Variants in KAZN observed in about 807,000 individuals in gnomAD.
KAZN encodes the protein kazrin, periplakin interacting protein, also known as kazrin.
Under a neutral mutation model 87.4 loss-of-function variants are expected in KAZN, and 40 were observed. The ratio of observed to expected loss-of-function variants is 0.46; its 90% CI spans 0.36 to 0.60. The LOEUF (loss-of-function observed/expected upper bound fraction) is 0.60. Ranked by LOEUF, KAZN falls within the 20% of genes least tolerant of loss-of-function variation. The probability of loss-of-function intolerance (pLI) is 0.00; values close to 1 mark genes in which losing one functional copy is unlikely to be tolerated. For synonymous variants in KAZN, 466 were observed against 458.3 expected (o/e 1.02, Z -0.22); for missense variants, 898 against 1,073.9 (o/e 0.84, Z 2.29).
intron 4 of KAZN, among the ~76,000 whole-genome samples, chr1:15,051,009 G>A (rs1674343990): frequency 6.6e-6 from 1 of 152,232 alleles, no homozygotes; most frequent in African/African-American, 2.4e-5. Context: ...GCCACAGAGT[G>A]TGTTTATGAA....
chr1:13,999,163 C>A (rs185446874), intron 1 of KAZN, among the ~76,000 whole-genome samples: 59 of 152,240 alleles, frequency 3.9e-4, no homozygotes, highest in Non-Finnish European at 7.6e-4. Context: ...GCCTGGCCAA[C>A]ATAGTGAAAC....
intron 1 of KAZN, among the ~76,000 whole-genome samples, chr1:14,103,961 T>C (rs1371028382): frequency 6.6e-6 from 1 of 152,188 alleles, no homozygotes; most frequent in Non-Finnish European, 1.5e-5. Context: ...ATCTCTTTAC[T>C]GTGCAGGCAG....
intron 1 of KAZN, among the ~76,000 whole-genome samples, chr1:14,173,398 G>A (rs1416122414): frequency 6.6e-6 from 1 of 152,120 alleles, no homozygotes; most frequent in Non-Finnish European, 1.5e-5. Flanking sequence ...CTGTCTCTCA[G>A]CTCCACTTAC....
At chr1:14,500,863 C>T (rs1433671769) in intron 2 of KAZN, among the ~76,000 whole-genome samples, 1 of 151,898 alleles carries the variant, frequency 6.6e-6, no homozygotes, top group Non-Finnish European at 1.5e-5. Context: ...TGGGAAAATT[C>T]CTGGAAGACA....
At chr1:14,639,082 A>G (rs570805474) in intron 1 of KAZN, among the ~76,000 whole-genome samples, 43 of 152,116 alleles carry the variant, frequency 2.8e-4, no homozygotes, top group Non-Finnish European at 4.0e-4. Context: ...CGCATCTTTC[A>G]TGTCTTTTCT....
At chr1:14,831,943 G>T (rs1295100082) in intron 1 of KAZN, among the ~76,000 whole-genome samples, 1 of 152,058 alleles carries the variant, frequency 6.6e-6, no homozygotes, top group Non-Finnish European at 1.5e-5. Flanking sequence ...ACCTGTACTC[G>T]CAGCACTTTG....
intron 1 of KAZN, among the ~76,000 whole-genome samples, chr1:14,858,864 G>A (rs1231624675): frequency 6.6e-6 from 1 of 151,976 alleles, no homozygotes; most frequent in Non-Finnish European, 1.5e-5. Context: ...TGTTGTCCTC[G>A]GTCTCTCATC....
intron 2 of KAZN, among the ~76,000 whole-genome samples, chr1:14,342,518 ATATCCTCAGTGCC>A (rs1357199937): frequency 6.6e-6 from 1 of 152,220 alleles, no homozygotes; most frequent in African/African-American, 2.4e-5. Context: ...GTTCTTTGCC[ATATCCTCAGTGCC>A]TAGAACAATA....
chr1:14,754,299 C>T (rs1644497300), intron 1 of KAZN, among the ~76,000 whole-genome samples: 1 of 152,104 alleles, frequency 6.6e-6, no homozygotes, highest in Admixed American at 6.5e-5. Context: ...AGATATAAAA[C>T]ACAGCCTTTA....
chr1:14,112,721 A>G (rs1326554056), intron 1 of KAZN, among the ~76,000 whole-genome samples: 1 of 152,220 alleles, frequency 6.6e-6, no homozygotes, highest in Non-Finnish European at 1.5e-5. Flanking sequence ...AGAAGAAGTC[A>G]GAGACATTGG....
At chr1:14,454,837 A>G (rs1484521205) in intron 2 of KAZN, among the ~76,000 whole-genome samples, 2 of 152,228 alleles carry the variant, frequency 1.3e-5, no homozygotes, top group Admixed American at 1.3e-4. Context: ...TTAGCAGCTT[A>G]AAACAACAAG....
chr1:14,442,797 C>T lies in KAZN; in HGVS notation c.250-156186C>T, dbSNP rs191331813. On this transcript the variant is annotated intron_variant, in intron 2 of 16. Transcript: ENST00000636203. ...AGTGTCAGTACCTAAAACTGAGCAC[C>T]GAAAGCACTTCCCATAAAAGCAAAA... Among the ~76,000 whole-genome samples the T allele has an allele frequency of 3.6e-3, 544 of 152,284 alleles. 2 individuals are homozygous for T. Among genetic ancestry groups the T allele is most frequent in the African/African-American group, 0.012 (514 of 41,572 alleles).
At chr1:14,001,141 A>G (rs999003221) in intron 1 of KAZN, among the ~76,000 whole-genome samples, 3 of 152,154 alleles carry the variant, frequency 2.0e-5, no homozygotes, top group Non-Finnish European at 4.4e-5. Context: ...TCAAACTGAT[A>G]AGCAACTTCA....
chr1:14,610,526 G>C (rs1677732621), intron 1 of KAZN, among the ~76,000 whole-genome samples: 1 of 152,024 alleles, frequency 6.6e-6, no homozygotes. Flanking sequence ...CCTGGCCCTA[G>C]TGACCTGTCT....
intron 2 of KAZN, among the ~76,000 whole-genome samples, chr1:14,558,908 C>A (rs1335929260): frequency 6.6e-6 from 1 of 152,148 alleles, no homozygotes; most frequent in Admixed American, 6.6e-5. Context: ...GCATGGAGAA[C>A]CAGGAGTCTC....
At chr1:14,367,699 C>T (rs1557667476) in intron 2 of KAZN, among the ~76,000 whole-genome samples, 1 of 152,104 alleles carries the variant, frequency 6.6e-6, no homozygotes, top group Non-Finnish European at 1.5e-5. Context: ...GCCTACCAAT[C>T]AAAAGCTGAG....
chr1:14,043,896 G>A (rs1641945299), intron 1 of KAZN, among the ~76,000 whole-genome samples: 1 of 152,174 alleles, frequency 6.6e-6, no homozygotes, highest in African/African-American at 2.4e-5. Context: ...GTATAACAGA[G>A]CACTCAAGCC....
At chr1:14,447,809 G>A (rs1306192730) in intron 2 of KAZN, among the ~76,000 whole-genome samples, 1 of 152,058 alleles carries the variant, frequency 6.6e-6, no homozygotes, top group Non-Finnish European at 1.5e-5. Context: ...TCAAAGGGTG[G>A]ATTAGATCAG....
At position 14,849,911 on chromosome 1, in the gene KAZN, G is replaced by A. The variant is rs112671527; in HGVS notation, c.227-110773G>A. The stretch of plus-strand genomic sequence containing the variant: ...TCAACTACTGCTTGCAATAAAGAAA[G>A]GCACTTGGGTAGATTTTCTACCCCC... On this transcript the variant is annotated intron_variant, in intron 1 of 14. Coordinates refer to ENST00000376030, the MANE Select transcript of KAZN (RefSeq NM_201628.3). Among the ~76,000 whole-genome samples, 206 of 151,322 alleles carry A rather than the reference G, an allele frequency of 1.4e-3. 1 individual carries two copies. Among genetic ancestry groups the A allele is most frequent in the African/African-American group, 4.7e-3 (192 of 41,236 alleles).
Sources: gnomAD v4.1 joint callset for allele counts (sites outside exome capture counted in the v4.1 genomes callset) on GRCh38, gnomAD v4.1.1 for gene constraint, MANE v1.5 for transcripts, NCBI Gene and HGNC (gene_info 2026-07-23, HGNC 2026-07-21) for gene names.